NOTCH2: variants seen among roughly 807,000 people sequenced by gnomAD.
The protein encoded by NOTCH2 is notch receptor 2.
A neutral mutation model predicts 235.8 loss-of-function variants in NOTCH2; 29 were observed. The ratio of observed to expected loss-of-function variants is 0.12; its 90% CI spans 0.09 to 0.17. The LOEUF is 0.17. Ranked by LOEUF, NOTCH2 falls within the 10% of genes least tolerant of loss-of-function variation. The pLI is 1.00. For missense variants in NOTCH2, 2,285 were observed against 3,150.2 expected (o/e 0.73, Z 6.57); for synonymous variants, 1,086 against 1,141.5 (o/e 0.95, Z 0.98).
At chr1:120,012,119 C>T (rs1653221666) in intron 2 of NOTCH2, among the ~76,000 whole-genome samples, 1 of 129,278 alleles carries the variant, frequency 7.7e-6, no homozygotes, top group South Asian at 2.9e-4. Context: ...GGCTATCCTG[C>T]CTCCCCATCA....
intron 32 of NOTCH2, 105 bp downstream of exon 32, chr1:119,918,301 C>T (rs1306868306): frequency 2.1e-5 from 26 of 1,243,256 alleles, no homozygotes; most frequent in African/African-American, 8.8e-5. Flanking sequence ...GAATCTCTCA[C>T]GTATTTGGAT....
At chr1:120,006,825 G>GGTC (rs1176480053) in intron 2 of NOTCH2, among the ~76,000 whole-genome samples, 1 of 152,016 alleles carries the variant, frequency 6.6e-6, no homozygotes, top group Non-Finnish European at 1.5e-5. Flanking sequence ...GAAACACTGG[G>GGTC]GTCATGAGTG....
At chr1:119,978,141 G>A (rs185026044) in intron 5 of NOTCH2, among the ~76,000 whole-genome samples, 19 of 152,290 alleles carry the variant, frequency 1.2e-4, no homozygotes, top group Admixed American at 8.5e-4. Context: ...GTGAAAGAGG[G>A]GAGAAGTGTG....
intron 5 of NOTCH2, among the ~76,000 whole-genome samples, chr1:119,975,582 G>T (rs1347749023): frequency 6.6e-6 from 1 of 151,620 alleles, no homozygotes; most frequent in Non-Finnish European, 1.5e-5. Flanking sequence ...GGAGGCGGAG[G>T]TGGCAGTGAT....
chr1:120,064,636 G>A (rs1340991846), intron 1 of NOTCH2, among the ~76,000 whole-genome samples: 1 of 149,778 alleles, frequency 6.7e-6, no homozygotes, highest in Non-Finnish European at 1.5e-5. Flanking sequence ...TGGCCCTCAA[G>A]GATCAAAATC....
In NOTCH2 at chr1:119,925,639, G is replaced by A. The variant is rs760072707; in HGVS notation, c.4177C>T (p.Arg1393Cys). The change falls in exon 25 of 34, where the codon CGC becomes TGC. Residue 1393 changes from arginine to cysteine, a missense_variant. Physicochemically the swap from Arg to Cys is radical, Grantham distance 180. This residue lies in a region of NOTCH2 where 1,173 missense variants were observed against 1,515.3 expected (regional missense o/e 0.77). Transcript: ENST00000256646. ...TGGCAGGAGTAATAAGGAGGCTGGC[G>A]CTGAGGGTGGCAGCTGCCCCCGTGC... The part of the protein sequence containing the change: ...CQHGGSCHPQ[R>C]QPPYYSCQCA... 4.3e-6 allele frequency: 7 copies of A among 1,612,948 alleles called. No homozygotes were observed. Among genetic ancestry groups the A allele is most frequent in the Admixed American group, 1.7e-5 (1 of 60,002 alleles).
chr1:119,996,652 A>G (rs1553204160), intron 4 of NOTCH2: 2 of 881,278 alleles, frequency 2.3e-6, no homozygotes, highest in Non-Finnish European at 3.9e-6. Context: ...CCACACATAC[A>G]TATTTTCCAG....
At position 119,916,169 on chromosome 1, in the gene NOTCH2, C is replaced by G; in HGVS notation, c.6553G>C (p.Ala2185Pro). 2 of 1,614,126 alleles carry G rather than the reference C, an allele frequency of 1.2e-6. No homozygotes were observed. The highest frequency in any genetic ancestry group is 1.7e-6 in the Non-Finnish European group (2 of 1,180,020). Residue 2185 changes from alanine to proline, a missense_variant, in exon 34 of 34, where the codon GCC (alanine) becomes CCC (proline). Physicochemically the swap from Ala to Pro is conservative, Grantham distance 27 (BLOSUM62 -1). This residue lies in a region of NOTCH2 where 504 missense variants were observed against 538.0 expected (regional missense o/e 0.94). Transcript: ENST00000256646. The part of the protein sequence containing the change: ...ILQASPNPML[A>P]TAAPPAPVHA... ...ACTGGGGCAGGAGGGGCGGCAGTGGCCAACATAGGGTTGGGTGAGGCCTGT... is the reference window on the plus strand; with the variant it reads ...ACTGGGGCAGGAGGGGCGGCAGTGGGCAACATAGGGTTGGGTGAGGCCTGT...
At chr1:120,001,123 C>T (rs1306776797) in intron 3 of NOTCH2, among the ~76,000 whole-genome samples, 13 of 152,206 alleles carry the variant, frequency 8.5e-5, no homozygotes, top group African/African-American at 2.9e-4. Context: ...CTTTTGCCTC[C>T]CACCATAATT....
At position 119,919,522 on chromosome 1, in the gene NOTCH2, G is replaced by C; in HGVS notation, c.5571C>G (p.Asn1857Lys). ...CCTGGTAGACCAAGTCTGTGATGAT[G>C]TTAGCAGAAGAGTCCTCTGCATCTT... ...EDEDAEDSSANIITDLVYQGA... is the reference protein window; with the variant it reads ...EDEDAEDSSAKIITDLVYQGA... The change falls in exon 31 of 34, where the codon AAC becomes AAG. Residue 1857 changes from asparagine (N) to lysine (K), a missense_variant. Asn to Lys is a moderately conservative substitution (Grantham distance 94, BLOSUM62 0). Transcript: ENST00000256646. The C allele has an allele frequency of 6.2e-7, 1 of 1,614,038 alleles. No homozygotes were observed. Among genetic ancestry groups the C allele is most frequent in the East Asian group, 2.2e-5 (1 of 44,886 alleles).
intron 5 of NOTCH2, among the ~76,000 whole-genome samples, chr1:119,984,343 C>A (rs1290389661): frequency 5.3e-5 from 8 of 152,110 alleles, no homozygotes; most frequent in African/African-American, 1.9e-4. Context: ...AGATTCAAAC[C>A]CTAACCCAAC....
intron 2 of NOTCH2, among the ~76,000 whole-genome samples, chr1:120,012,790 C>T (rs1412114795): frequency 6.6e-6 from 1 of 151,966 alleles, no homozygotes; most frequent in African/African-American, 2.4e-5. Flanking sequence ...ATGACTAAGT[C>T]TTGCCCCAAG....
rs781966382 is a variant in NOTCH2, at chr1:119,941,507, C to T, written c.2981+19G>A. 6.5e-6 allele frequency: 10 copies of T among 1,547,004 alleles called. No individual in the cohort carries two copies. The highest frequency in any genetic ancestry group is 5.6e-5 in the South Asian group (5 of 89,606). Reference sequence around the variant, plus strand: ...CTTTCTCTCGTAAGATGCTGATGCCCGAGGGACTGGTTGCTCACCTCTCAG... The same window carrying T: ...CTTTCTCTCGTAAGATGCTGATGCCTGAGGGACTGGTTGCTCACCTCTCAG... On this transcript the variant is annotated intron_variant, in intron 18 of 33. Transcript: ENST00000256646.
chr1:119,963,514 T>C, intron 11 of NOTCH2, 60 bp downstream of exon 11: 2 of 1,420,926 alleles, frequency 1.4e-6, no homozygotes, highest in Non-Finnish European at 2.0e-6. Flanking sequence ...GAAACATCTG[T>C]GTAAACAGAT....
chr1:119,950,054 G>A (rs782007873), intron 15 of NOTCH2: 11 of 191,288 alleles, frequency 5.8e-5, no homozygotes, highest in Admixed American at 3.7e-4. Context: ...ACAAAGAACA[G>A]CTATGTGACA....
At chr1:119,999,978 AG>A (rs1557840292) in intron 3 of NOTCH2, among the ~76,000 whole-genome samples, 1,951 of 90,092 alleles carry the variant, frequency 0.022, 20 homozygotes, top group African/African-American at 0.11. Flanking sequence ...AAAGAAAGAA[AG>A]GAAGGAAGGA....
chr1:119,964,366 G>A (rs958124735), intron 10 of NOTCH2, among the ~76,000 whole-genome samples: 9 of 152,128 alleles, frequency 5.9e-5, no homozygotes, highest in African/African-American at 1.7e-4. Context: ...TCCTTTCTTC[G>A]AGGTGTAAAT....
chr1:119,923,269 C>A (rs587693188), intron 26 of NOTCH2, among the ~76,000 whole-genome samples: 94 of 152,256 alleles, frequency 6.2e-4, no homozygotes, highest in African/African-American at 2.0e-3. Context: ...AACTGAAGAT[C>A]ATTACCTGTG....
intron 9 of NOTCH2, 40 bp downstream of exon 9, chr1:119,966,336 G>T: frequency 7.2e-7 from 1 of 1,386,298 alleles, no homozygotes; most frequent in Non-Finnish European, 1.0e-6. Flanking sequence ...AGTTGGCTTT[G>T]TGCTTTAAGA....
Sources: allele counts gnomAD v4.1 joint callset (sites outside exome capture counted in the v4.1 genomes callset), GRCh38; gene constraint gnomAD v4.1.1; regional missense constraint gnomAD v4.1.1; transcripts MANE v1.5; gene names NCBI Gene and HGNC (gene_info 2026-07-23, HGNC 2026-07-21).